The following GDAP1 variants were observed in gnomAD, a reference collection of about 807,000 sequenced individuals.
GDAP1 encodes ganglioside-induced differentiation-associated protein 1.
GDAP1 carries 34 observed loss-of-function variants against 40.1 expected under a neutral mutation model. The observed-to-expected ratio is 0.85, with a 90% CI of 0.64 to 1.13. GDAP1 has a LOEUF of 1.13. Among genes scored for constraint, GDAP1 ranks in the 50% most tolerant of loss-of-function variants. The probability of loss-of-function intolerance (pLI) is 0.00; values close to 1 mark genes in which losing one functional copy is unlikely to be tolerated. For missense variants in GDAP1, 374 were observed against 433.7 expected (o/e 0.86, Z 1.22); for synonymous variants, 170 against 157.4 (o/e 1.08, Z -0.60).
In GDAP1 at chr8:74,364,445, G is replaced by A; in HGVS notation, c.*78G>A. The A allele has an allele frequency of 7.4e-7, 1 of 1,343,488 alleles. No individual in the cohort carries two copies. Among genetic ancestry groups the A allele is most frequent in the Non-Finnish European group, 1.1e-6 (1 of 944,796 alleles). 83.2% of individuals were successfully genotyped at this position (1,343,488 alleles called of 1,614,324 possible). A position where few individuals can be genotyped will look rare whatever the true frequency, so the allele number is the denominator to read the frequency against. ...TGATTGCCCGTGGCTCTCTGAGTCT[G>A]TCTTATTGAGTAGTTAGCAGTATTT... On this transcript the variant is annotated 3_prime_UTR_variant, in exon 6 of 6. Coordinates refer to ENST00000220822, the MANE Select transcript of GDAP1 (RefSeq NM_018972.4).
chr8:74,469,702 G>A (rs1193370631), intron 2 of GDAP1, among the ~76,000 whole-genome samples: 1 of 150,498 alleles, frequency 6.6e-6, no homozygotes, highest in Middle Eastern at 3.2e-3. Context: ...AAGCCTGGGT[G>A]CAGTGGCTCA....
intron 2 of GDAP1, among the ~76,000 whole-genome samples, chr8:74,463,079 A>G (rs1052066001): frequency 1.8e-4 from 27 of 146,210 alleles, no homozygotes; most frequent in Admixed American, 1.5e-3. Flanking sequence ...AGTTACGGCA[A>G]ATGAGTAAAT....
chr8:74,439,221 TTA>T (rs932137491), intron 2 of GDAP1, among the ~76,000 whole-genome samples: 3 of 151,982 alleles, frequency 2.0e-5, no homozygotes, highest in Non-Finnish European at 2.9e-5. Flanking sequence ...TATATACATG[TTA>T]TATATATATG....
At chr8:74,445,059 G>T (rs1806210720) in intron 2 of GDAP1, among the ~76,000 whole-genome samples, 1 of 152,166 alleles carries the variant, frequency 6.6e-6, no homozygotes, top group Non-Finnish European at 1.5e-5. Context: ...TGTATATTTT[G>T]AGGGTGTCAA....
intron 2 of GDAP1, 69 bp downstream of exon 2, chr8:74,351,535 TTCTC>T (rs1313569591): frequency 1.3e-5 from 15 of 1,118,766 alleles, no homozygotes; most frequent in South Asian, 6.2e-5. Context: ...CTTTCTCTTT[TTCTC>T]TCTCTCCTCT....
At chr8:74,357,329 T>C (rs13256983) in intron 2 of GDAP1, among the ~76,000 whole-genome samples, 77,536 of 151,936 alleles carry the variant, frequency 0.51, 19,948 homozygotes, top group African/African-American at 0.59. Flanking sequence ...TGAAAACTTA[T>C]GCCTTTAAGC....
rs4464961 is a variant in GDAP1 at position 74,363,676 on chromosome 8, C to T, written c.695-309C>T. On this transcript the variant is annotated intron_variant, in intron 5 of 5. Coordinates refer to ENST00000220822, the MANE Select transcript of GDAP1 (RefSeq NM_018972.4). ...CCAGAAGGAAGTTTCTTTTAACTAG[C>T]TTGGAGGCTCCCAACCCCTTAGTGT... Among the ~76,000 whole-genome samples the T allele has an allele frequency of 0.056, 8,543 of 152,238 alleles. 285 individuals are homozygous for T. The highest frequency in any genetic ancestry group is 0.12 in the East Asian group (597 of 5,182).
At position 74,366,499 on chromosome 8, in the gene GDAP1, A is replaced by G. The variant is rs1435715477; in HGVS notation, c.*2132A>G. On this transcript the variant is annotated 3_prime_UTR_variant, in exon 6 of 6. Transcript: ENST00000220822. ...ACAGTATCACACAATGTCAAGCTAG[A>G]GTTAAACACAGTATTAGCTAAATAG... 2 of 454,298 alleles carry G rather than the reference A, an allele frequency of 4.4e-6. No individual in the cohort carries two copies. Among genetic ancestry groups the G allele is most frequent in the African/African-American group, 4.0e-5 (2 of 50,002 alleles). 28.1% of individuals were successfully genotyped at this position (454,298 alleles called of 1,614,324 possible).
At chr8:74,399,705 C>G (rs1301136823) in intron 2 of GDAP1, among the ~76,000 whole-genome samples, 2 of 123,666 alleles carry the variant, frequency 1.6e-5, no homozygotes, top group African/African-American at 4.0e-5. Flanking sequence ...AAATTTCCCT[C>G]TACACACTGC....
Position 74,356,527 on chromosome 8 carries a change from T to G in GDAP1, c.311-3610T>G, listed in dbSNP as rs1178123200. 2.6e-5 allele frequency among the ~76,000 whole-genome samples: 4 copies of G among 152,014 alleles called. No individual in the cohort carries two copies. In the East Asian group the frequency reaches 7.7e-4, roughly 29 times the overall value. On this transcript the variant is annotated intron_variant, in intron 2 of 5. Transcript: ENST00000220822. ...TGATATAATTTGACACCGGGTCTTT[T>G]TGTTTTTTTTCTTATCTGTATTTAG...
intron 2 of GDAP1, among the ~76,000 whole-genome samples, chr8:74,434,682 G>T (rs964970367): frequency 6.6e-6 from 1 of 152,118 alleles, no homozygotes; most frequent in Admixed American, 6.5e-5. Flanking sequence ...TCCTTCAGCC[G>T]TCCCAAGAGT....
At chr8:74,461,107 C>A (rs754360703) in intron 2 of GDAP1, among the ~76,000 whole-genome samples, 13 of 152,198 alleles carry the variant, frequency 8.5e-5, no homozygotes, top group Non-Finnish European at 1.8e-4. Context: ...TTGGGCGTTG[C>A]ACCCTTACCC....
In GDAP1 at chr8:74,444,330, C is replaced by T. The variant is rs990204117; in HGVS notation, c.166-44348C>T. 5.9e-5 allele frequency among the ~76,000 whole-genome samples: 9 copies of T among 151,778 alleles called. No individual in the cohort carries two copies. The South Asian group carries it at 6.2e-4, about 11-fold the overall frequency. ...CGTTAAACATAGACTATGTGGCATT[C>T]GGCATATTTCAGTCTTTGCATAAAA... On this transcript the variant is annotated intron_variant, in intron 2 of 2. Coordinates refer to the GDAP1 transcript ENST00000523640.
In GDAP1 at chr8:74,351,454, A is replaced by G. The variant is rs1176333705; in HGVS notation, c.298A>G (p.Thr100Ala). The G allele has an allele frequency of 1.2e-6, 2 of 1,612,364 alleles. No homozygotes were observed. The highest frequency in any genetic ancestry group is 2.7e-5 in the African/African-American group (2 of 74,892). ...ATQIIDYLEQ[T>A]FLDERTPRLM... The stretch of plus-strand genomic sequence containing the variant: ...TCAGATCATTGATTATCTTGAACAG[A>G]CTTTCCTGGATGGTAATGTTAAGGC... The change falls in exon 2 of 6, where the codon ACT (threonine) becomes GCT (alanine). Residue 100 changes from threonine (T) to alanine (A), a missense_variant. Physicochemically the swap from Thr to Ala is moderately conservative, Grantham distance 58 (BLOSUM62 0). Coordinates refer to ENST00000220822, the MANE Select transcript of GDAP1 (RefSeq NM_018972.4).
chr8:74,361,018 TTTTTTTCC>T (rs1809335797), intron 3 of GDAP1, among the ~76,000 whole-genome samples: 1 of 152,166 alleles, frequency 6.6e-6, no homozygotes, highest in East Asian at 1.9e-4. Context: ...CTTATTATTC[TTTTTTTCC>T]TTTTTGATAC....
chr8:74,352,843 A>G, intron 2 of GDAP1, among the ~76,000 whole-genome samples: 1 of 152,212 alleles, frequency 6.6e-6, no homozygotes. Flanking sequence ...ATAATGGAAC[A>G]AAACAAAATA....
chr8:74,447,508 T>C (rs1035401385), intron 2 of GDAP1, among the ~76,000 whole-genome samples: 1 of 152,140 alleles, frequency 6.6e-6, no homozygotes, highest in African/African-American at 2.4e-5. Context: ...ATATCATACC[T>C]TACCTCGTGA....
At chr8:74,413,410 A>G (rs1301027108) in intron 2 of GDAP1, among the ~76,000 whole-genome samples, 1 of 149,862 alleles carries the variant, frequency 6.7e-6, no homozygotes, top group Non-Finnish European at 1.5e-5. Flanking sequence ...CCCAAAGTGG[A>G]TATCAGTGGG....
chr8:74,370,922 CAT>C (rs1429052705), downstream of GDAP1, among the ~76,000 whole-genome samples: 5 of 152,120 alleles, frequency 3.3e-5, no homozygotes, highest in African/African-American at 1.2e-4. Context: ...ATTAGGAAGA[CAT>C]AATCATAAAT....
Sources: gnomAD v4.1 joint callset for allele counts (sites outside exome capture counted in the v4.1 genomes callset) on GRCh38, gnomAD v4.1.1 for gene constraint, MANE v1.5 for transcripts, NCBI Gene and HGNC (gene_info 2026-07-23, HGNC 2026-07-21) for gene names.